SMARCAL1: variants seen among roughly 807,000 people sequenced by gnomAD.
SMARCAL1 encodes SNF2 related chromatin remodeling annealing helicase 1.
A neutral mutation model predicts 94.5 loss-of-function variants in SMARCAL1; 58 were observed. That is an observed-to-expected ratio of 0.61 (90% confidence interval 0.50 to 0.76). SMARCAL1 has a LOEUF of 0.76. Among genes scored for constraint, SMARCAL1 ranks in the 30% least tolerant of loss-of-function variants. The pLI is 0.00. For missense variants in SMARCAL1, 1,051 were observed against 1,177.9 expected (o/e 0.89, Z 1.58); for synonymous variants, 422 against 455.1 (o/e 0.93, Z 0.93).
At chr2:216,477,488 A>T (rs1296661829) in intron 16 of SMARCAL1, among the ~76,000 whole-genome samples, 1 of 152,174 alleles carries the variant, frequency 6.6e-6, no homozygotes, top group African/African-American at 2.4e-5. Context: ...AGTGCTGATT[A>T]TGACAAAATA....
rs1227801126 is a variant in SMARCAL1 at position 216,482,108 on chromosome 2, T to C, written c.2626-630T>C. Among the ~76,000 whole-genome samples the C allele has an allele frequency of 6.6e-6, 1 of 152,212 alleles. No homozygotes were observed. The highest frequency in any genetic ancestry group is 2.4e-5 in the African/African-American group (1 of 41,446). Reference sequence around the variant, plus strand: ...AATATGTTAAATGTGTGTATGTTTTTTCAACTACTTTGAAAATTAGGTATA... The same window carrying C: ...AATATGTTAAATGTGTGTATGTTTTCTCAACTACTTTGAAAATTAGGTATA... On this transcript the variant is annotated intron_variant, in intron 17 of 17. Transcript: ENST00000357276. The surrounding 1 kb of genome is among the most constrained non-coding windows in gnomAD (Gnocchi z 4.3).
intron 12 of SMARCAL1, among the ~76,000 whole-genome samples, chr2:216,453,029 T>A (rs1694483691): frequency 1.3e-5 from 2 of 152,356 alleles, no homozygotes; most frequent in East Asian, 3.9e-4. Context: ...CCCTTTTGGT[T>A]GTGGAAAAGT....
intron 13 of SMARCAL1, among the ~76,000 whole-genome samples, chr2:216,466,116 C>T (rs567192068): frequency 6.6e-6 from 1 of 152,254 alleles, no homozygotes; most frequent in East Asian, 1.9e-4. Context: ...CAAGGGTGTG[C>T]GTTTCTCCCT....
intron 8 of SMARCAL1, among the ~76,000 whole-genome samples, chr2:216,434,562 A>G (rs1694035465): frequency 1.3e-5 from 2 of 152,154 alleles, no homozygotes; most frequent in African/African-American, 4.8e-5. Flanking sequence ...ATAGCGAGGC[A>G]TGGTGGTTCA....
At chr2:216,476,260 A>G (rs1172841589) in intron 15 of SMARCAL1, among the ~76,000 whole-genome samples, 6 of 151,978 alleles carry the variant, frequency 3.9e-5, no homozygotes, top group Non-Finnish European at 8.8e-5. Flanking sequence ...TAATGGGTAG[A>G]CCTTGAGGGT....
intron 9 of SMARCAL1, among the ~76,000 whole-genome samples, chr2:216,437,283 A>G (rs1162277680): frequency 1.3e-5 from 2 of 152,224 alleles, no homozygotes; most frequent in Non-Finnish European, 2.9e-5. Flanking sequence ...TCTCATGATC[A>G]GAAAGGCATA....
chr2:216,427,635 C>T (rs1174151127), intron 6 of SMARCAL1, among the ~76,000 whole-genome samples: 1 of 152,166 alleles, frequency 6.6e-6, no homozygotes, highest in African/African-American at 2.4e-5. Context: ...AATTTCTTCT[C>T]ATGGTGATTA....
At chr2:216,430,822 C>T (rs971629400) in intron 7 of SMARCAL1, among the ~76,000 whole-genome samples, 2 of 152,236 alleles carry the variant, frequency 1.3e-5, no homozygotes, top group East Asian at 1.9e-4. Flanking sequence ...TGCCTGTCCT[C>T]GCTGGCCACC....
intron 13 of SMARCAL1, among the ~76,000 whole-genome samples, chr2:216,467,435 C>G (rs1224216122): frequency 7.0e-6 from 1 of 143,644 alleles, no homozygotes; most frequent in Non-Finnish European, 1.5e-5. Flanking sequence ...TTCAGCACTG[C>G]ACTCCAGCCT....
At chr2:216,452,630 C>T (rs1295951153) in intron 12 of SMARCAL1, among the ~76,000 whole-genome samples, 1 of 151,946 alleles carries the variant, frequency 6.6e-6, no homozygotes, top group African/African-American at 2.4e-5. Context: ...AAGGTAGACA[C>T]CTGAAAAAGC....
chr2:216,423,960 G>A (rs1693778317), intron 6 of SMARCAL1, among the ~76,000 whole-genome samples: 1 of 152,184 alleles, frequency 6.6e-6, no homozygotes, highest in Non-Finnish European at 1.5e-5. Flanking sequence ...TGTCATAGAA[G>A]TGCTAGAAGC....
intron 16 of SMARCAL1, 93 bp downstream of exon 16, chr2:216,477,302 G>A (rs1344030781): frequency 2.9e-5 from 26 of 905,824 alleles, no homozygotes; most frequent in Non-Finnish European, 4.5e-5. Flanking sequence ...TTCTGCTTTT[G>A]CTAAGTAAGG....
Position 216,464,434 on chromosome 2 carries a change from G to T in SMARCAL1, c.2071-163G>T, listed in dbSNP as rs557824494. Among the ~76,000 whole-genome samples the T allele has an allele frequency of 2.0e-5, 3 of 152,298 alleles. No homozygotes were observed. The South Asian group carries it at 6.2e-4, about 32-fold the overall frequency. On this transcript the variant is annotated intron_variant, in intron 12 of 17. Transcript: ENST00000357276. ...AAAACCCGACCCAGGCAGTTCTTCT[G>T]ACTTGGCCAAAGTGAAAGGGGAATC...
intron 12 of SMARCAL1, among the ~76,000 whole-genome samples, chr2:216,451,795 C>T (rs903150790): frequency 6.6e-6 from 1 of 152,228 alleles, no homozygotes; most frequent in African/African-American, 2.4e-5. Flanking sequence ...TCTACACCAG[C>T]TCTGTTTCTG....
chr2:216,430,048 C>G (rs1273950677), intron 7 of SMARCAL1, among the ~76,000 whole-genome samples: 1 of 152,140 alleles, frequency 6.6e-6, no homozygotes, highest in African/African-American at 2.4e-5. Flanking sequence ...CCAAGTTCTT[C>G]GTGGCACTGT....
rs182690270 is a variant in SMARCAL1, at chr2:216,446,910, C to T, written c.1711-108C>T. ...TGCCATTAGGTTCTCGCGACACGCACGCGGTCTTTTTCTGGGGGCATCCAG... is the reference window on the plus strand; with the variant it reads ...TGCCATTAGGTTCTCGCGACACGCATGCGGTCTTTTTCTGGGGGCATCCAG... On this transcript the variant is annotated intron_variant, in intron 10 of 17. Coordinates refer to ENST00000357276, the MANE Select transcript of SMARCAL1 (RefSeq NM_014140.4). 4.7e-4 allele frequency: 609 copies of T among 1,294,334 alleles called. 1 individual carries two copies. Among genetic ancestry groups the T allele is most frequent in the Non-Finnish European group, 6.4e-4 (575 of 901,166 alleles). The allele number at this position is 1,294,334 out of a possible 1,614,324, so 80.2% of individuals were successfully genotyped here.
chr2:216,420,314 G>T lies in SMARCAL1; in HGVS notation c.878G>T (p.Ser293Ile). ...TCTTTGGCAGTGAAAGCAGCCCAGA[G>T]CCTCCCCACGGTCAACCTGCAGCCT... ...DYSALMKAAQ[S>I]LPTVNLQPLE... Residue 293 changes from serine (S) to isoleucine (I), a missense_variant, in exon 5 of 18, where the codon AGC becomes ATC. By Grantham distance (142) the Ser-to-Ile change is moderately radical. Coordinates refer to ENST00000357276, the MANE Select transcript of SMARCAL1 (RefSeq NM_014140.4). The T allele has an allele frequency of 1.2e-6, 2 of 1,614,022 alleles. No homozygotes were observed. The highest frequency in any genetic ancestry group is 4.5e-5 in the East Asian group (2 of 44,872).
chr2:216,437,633 A>G (rs922334016), intron 9 of SMARCAL1, among the ~76,000 whole-genome samples: 4 of 152,348 alleles, frequency 2.6e-5, no homozygotes, highest in African/African-American at 9.6e-5. Context: ...GTGGTTGCTC[A>G]GAGTCACACA....
At chr2:216,443,947 C>G (rs1694252816) in intron 10 of SMARCAL1, among the ~76,000 whole-genome samples, 1 of 152,222 alleles carries the variant, frequency 6.6e-6, no homozygotes, top group South Asian at 2.1e-4. Flanking sequence ...TGCCCTTAGG[C>G]TTTCGATTTA....
Sources: allele counts gnomAD v4.1 joint callset (sites outside exome capture counted in the v4.1 genomes callset), GRCh38; gene constraint gnomAD v4.1.1; non-coding constraint Gnocchi (gnomAD v3.1); transcripts MANE v1.5; gene names NCBI Gene and HGNC (gene_info 2026-07-23, HGNC 2026-07-21).